ELAPOR2: variants seen among roughly 807,000 people sequenced by gnomAD.
ELAPOR2 encodes endosome-lysosome associated apoptosis and autophagy regulator family member 2.
ELAPOR2 carries 89 observed loss-of-function variants against 120.7 expected under a neutral mutation model. The observed-to-expected ratio is 0.74, with a 90% CI of 0.62 to 0.88. ELAPOR2 has a LOEUF of 0.88. Ranked by LOEUF, ELAPOR2 falls within the 40% of genes least tolerant of loss-of-function variation. The probability of loss-of-function intolerance (pLI) is 0.00; values close to 1 mark genes in which losing one functional copy is unlikely to be tolerated. For missense variants in ELAPOR2, 1,134 were observed against 1,251.6 expected, an observed-to-expected ratio of 0.91 and a Z score of 1.42; for synonymous variants, 444 against 444.9, an observed-to-expected ratio of 1.00 and a Z score of 0.03.
At chr7:86,901,306 G>C (rs1228680673) in intron 18 of ELAPOR2, among the ~76,000 whole-genome samples, 1 of 152,190 alleles carries the variant, frequency 6.6e-6, no homozygotes, top group African/African-American at 2.4e-5. Flanking sequence ...CAATATGTAA[G>C]AATTCACATT....
intron 12 of ELAPOR2, among the ~76,000 whole-genome samples, chr7:86,917,807 G>GAA (rs71719748): frequency 6.7e-6 from 1 of 149,788 alleles, no homozygotes; most frequent in East Asian, 2.0e-4. Flanking sequence ...AGGTCATTGG[G>GAA]AAAAAAAAAC....
At chr7:86,924,894 G>T (rs1789996449) in intron 10 of ELAPOR2, among the ~76,000 whole-genome samples, 1 of 151,914 alleles carries the variant, frequency 6.6e-6, no homozygotes. Context: ...TTAGTGTAAA[G>T]GTCTGGTATA....
intron 1 of ELAPOR2, among the ~76,000 whole-genome samples, chr7:87,031,202 A>T (rs1794415447): frequency 6.6e-6 from 1 of 152,172 alleles, no homozygotes; most frequent in East Asian, 1.9e-4. Context: ...CTGGTTCTAG[A>T]ACTTTTTTCT....
chr7:86,905,443 T>G (rs373138592), intron 18 of ELAPOR2, among the ~76,000 whole-genome samples: 7 of 151,976 alleles, frequency 4.6e-5, no homozygotes, highest in African/African-American at 1.4e-4. Flanking sequence ...AAGAAAGAAA[T>G]AAAGGTCAGC....
At chr7:86,919,461 C>A (rs185259136) in intron 10 of ELAPOR2, 151 bp from the exon 11 acceptor site, 6 of 513,436 alleles carry the variant, frequency 1.2e-5, no homozygotes, top group Non-Finnish European at 2.0e-5. Flanking sequence ...TAATCACAGT[C>A]GCAAATTTCA....
chr7:87,051,127 A>G (rs995970059), intron 1 of ELAPOR2, among the ~76,000 whole-genome samples: 1 of 152,320 alleles, frequency 6.6e-6, no homozygotes, highest in African/African-American at 2.4e-5. Context: ...TAAAGCCAAG[A>G]GACTCCCGAC....
At chr7:86,906,800 AAG>A (rs2116023667) in intron 18 of ELAPOR2, among the ~76,000 whole-genome samples, 1 of 152,218 alleles carries the variant, frequency 6.6e-6, no homozygotes, top group South Asian at 2.1e-4. Context: ...GGAGGCTGAG[AAG>A]AGAGTCACTT....
At chr7:86,911,462 CTG>C (rs537965231) in intron 15 of ELAPOR2, among the ~76,000 whole-genome samples, 2 of 152,236 alleles carry the variant, frequency 1.3e-5, no homozygotes, top group South Asian at 4.1e-4. Context: ...TGTTCCTACT[CTG>C]TAGGTATATA....
intron 1 of ELAPOR2, among the ~76,000 whole-genome samples, chr7:87,040,241 G>T (rs191425077): frequency 0.032 from 4,878 of 152,336 alleles, 91 homozygotes; most frequent in African/African-American, 0.039. Flanking sequence ...CAAAGCAGCC[G>T]GAAAGCTCGA....
At chr7:87,042,694 A>C in intron 1 of ELAPOR2, among the ~76,000 whole-genome samples, 1 of 152,204 alleles carries the variant, frequency 6.6e-6, no homozygotes, top group Non-Finnish European at 1.5e-5. Context: ...CATCACAATT[A>C]AAACAACTAG....
intron 21 of ELAPOR2, among the ~76,000 whole-genome samples, chr7:86,883,788 C>A (rs535262123): frequency 2.0e-5 from 3 of 152,066 alleles, no homozygotes; most frequent in Non-Finnish European, 1.5e-5. Context: ...CAGGGGTGAA[C>A]TAGTGTTCTA....
intron 21 of ELAPOR2, chr7:86,891,196 GAATGT>G (rs1788143760): frequency 6.7e-6 from 1 of 148,392 alleles, no homozygotes. Context: ...CAGTATGAAT[GAATGT>G]AATATCTTTT....
chr7:87,039,873 T>C (rs1794709410), intron 1 of ELAPOR2, among the ~76,000 whole-genome samples: 2 of 152,064 alleles, frequency 1.3e-5, no homozygotes, highest in East Asian at 1.9e-4. Context: ...TTCATCTCAC[T>C]AGGGAGTGCC....
intron 12 of ELAPOR2, among the ~76,000 whole-genome samples, chr7:86,917,209 C>A (rs1254257852): frequency 6.6e-6 from 1 of 151,942 alleles, no homozygotes; most frequent in Non-Finnish European, 1.5e-5. Context: ...GACCTGAGGT[C>A]AGGAGTTCAA....
chr7:86,963,919 T>C (rs752443710), intron 2 of ELAPOR2, among the ~76,000 whole-genome samples: 2 of 152,242 alleles, frequency 1.3e-5, no homozygotes, highest in Non-Finnish European at 2.9e-5. Context: ...CACTCATTAA[T>C]ATCATTCACC....
At chr7:87,052,754 T>C (rs1243737802) in intron 1 of ELAPOR2, among the ~76,000 whole-genome samples, 2 of 150,224 alleles carry the variant, frequency 1.3e-5, no homozygotes, top group Admixed American at 6.7e-5. Flanking sequence ...CTTCAGTATA[T>C]TCTGATCACA....
intron 18 of ELAPOR2, among the ~76,000 whole-genome samples, chr7:86,903,478 T>C (rs1446211202): frequency 6.6e-6 from 1 of 152,246 alleles, no homozygotes; most frequent in African/African-American, 2.4e-5. Context: ...GAAGTCATTT[T>C]ACCAATCATC....
intron 1 of ELAPOR2, among the ~76,000 whole-genome samples, chr7:86,981,046 G>A (rs1297236252): frequency 1.3e-5 from 2 of 152,094 alleles, no homozygotes; most frequent in African/African-American, 4.8e-5. Context: ...GGAGATTAGA[G>A]AGAGTTCTCT....
chr7:86,971,509 A>G (rs1792107071), intron 1 of ELAPOR2, among the ~76,000 whole-genome samples: 1 of 152,238 alleles, frequency 6.6e-6, no homozygotes, highest in Admixed American at 6.5e-5. Flanking sequence ...TCTCACATTT[A>G]AAGTATATCT....
Sources: allele counts gnomAD v4.1 joint callset (sites outside exome capture counted in the v4.1 genomes callset), GRCh38; gene constraint gnomAD v4.1.1; transcripts MANE v1.5; gene names NCBI Gene and HGNC (gene_info 2026-07-23, HGNC 2026-07-21).